The following CD36 variants were observed in gnomAD, a reference collection of about 807,000 sequenced individuals.
The protein encoded by CD36 is platelet glycoprotein 4.
In CD36, 119 loss-of-function variants were observed where a neutral mutation model predicts 55.2. The ratio of observed to expected loss-of-function variants is 2.15; its 90% CI spans 1.86 to 2.51. The LOEUF is 2.51. Ranked by LOEUF, CD36 falls within the 30% of genes most tolerant of loss-of-function variation. The pLI is 0.00. For missense variants in CD36, 819 were observed against 555.5 expected, an observed-to-expected ratio of 1.47 and a Z score of -4.77; for synonymous variants, 186 against 193.6, an observed-to-expected ratio of 0.96 and a Z score of 0.33.
intron 1 of CD36, chr7:80,625,042 T>G (rs747613757): frequency 2.0e-5 from 3 of 152,076 alleles, no homozygotes; most frequent in African/African-American, 7.2e-5. Context: ...TACTTTCAGG[T>G]TAGATAATTT....
At chr7:80,655,685 C>G (rs540256867) in intron 3 of CD36, among the ~76,000 whole-genome samples, 5 of 152,192 alleles carry the variant, frequency 3.3e-5, no homozygotes, top group Non-Finnish European at 7.4e-5. Flanking sequence ...TGTGCAGTGG[C>G]TCACACCTGT....
chr7:80,626,591 ATAATT>A (rs940146730), intron 1 of CD36, among the ~76,000 whole-genome samples: 116 of 152,226 alleles, frequency 7.6e-4, no homozygotes, highest in African/African-American at 2.6e-3. Flanking sequence ...TATGTATAGT[ATAATT>A]TAATAATTTT....
chr7:80,646,860 G>A lies in CD36; in HGVS notation c.120G>A (p.Lys40=). 1 of 1,613,692 alleles carries A rather than the reference G, an allele frequency of 6.2e-7. No individual in the cohort carries two copies. The highest frequency in any genetic ancestry group is 1.1e-5 in the South Asian group (1 of 91,052). The change falls in exon 3 of 15, where the codon AAG becomes AAA. Residue 40 remains lysine, a splice_region_variant and synonymous_variant. Coordinates refer to ENST00000447544, the MANE Select transcript of CD36 (RefSeq NM_001001548.3). The part of the protein sequence containing the change: ...GDLLIQKTIK[K]QVVLEEGTIA... Reference sequence around the variant, plus strand: ...TGCTTATCCAGAAGACAATTAAAAAGGTACAAGTAGTCCAAAGAATATGCC... The same window carrying A: ...TGCTTATCCAGAAGACAATTAAAAAAGTACAAGTAGTCCAAAGAATATGCC...
At chr7:80,660,939 C>A in intron 4 of CD36, 124 bp from the exon 5 acceptor site, 1 of 774,634 alleles carries the variant, frequency 1.3e-6, no homozygotes, top group Non-Finnish European at 2.2e-6. Flanking sequence ...AACACCATTG[C>A]TTACATACTA....
At chr7:80,607,119 A>G (rs2115716032) in intron 1 of CD36, among the ~76,000 whole-genome samples, 1 of 152,238 alleles carries the variant, frequency 6.6e-6, no homozygotes, top group African/African-American at 2.4e-5. Context: ...TCTCCACTCC[A>G]TTAATATTCC....
At chr7:80,664,582 A>G in intron 7 of CD36, 85 bp downstream of exon 7, 1 of 814,738 alleles carries the variant, frequency 1.2e-6, no homozygotes, top group Non-Finnish European at 2.2e-6. Context: ...CATAAGACAT[A>G]GGCATCAACC....
At chr7:80,603,332 A>G (rs2115659675) in intron 1 of CD36, among the ~76,000 whole-genome samples, 1 of 152,280 alleles carries the variant, frequency 6.6e-6, no homozygotes, top group South Asian at 2.1e-4. Context: ...TTTACAAAAA[A>G]GGTCACTTTC....
chr7:80,629,276 A>C (rs1411833560), intron 1 of CD36, among the ~76,000 whole-genome samples: 1 of 152,030 alleles, frequency 6.6e-6, no homozygotes, highest in Non-Finnish European at 1.5e-5. Context: ...GGCCTCCAGC[A>C]GCATGGCTGT....
upstream of CD36, among the ~76,000 whole-genome samples, chr7:80,634,056 A>G (rs1239397363): frequency 3.9e-5 from 6 of 152,086 alleles, no homozygotes; most frequent in Non-Finnish European, 5.9e-5. Flanking sequence ...GGATAAATGT[A>G]TCTTTTTTTT....
At chr7:80,662,582 T>A (rs1005760962) in intron 5 of CD36, 1 of 238,852 alleles carries the variant, frequency 4.2e-6, no homozygotes, top group Admixed American at 5.0e-5. Flanking sequence ...ACCAGACTTA[T>A]GGCTTTTTTT....
intron 1 of CD36, among the ~76,000 whole-genome samples, chr7:80,612,966 T>A (rs1248030148): frequency 6.6e-6 from 1 of 152,134 alleles, no homozygotes; most frequent in Non-Finnish European, 1.5e-5. Context: ...TAATATTCCA[T>A]ATATTTAGGT....
chr7:80,667,347 T>C (rs1797185927), intron 8 of CD36, among the ~76,000 whole-genome samples: 1 of 151,388 alleles, frequency 6.6e-6, no homozygotes, highest in Non-Finnish European at 1.5e-5. Context: ...GGAGGATCAC[T>C]TGATTCCAGG....
intron 9 of CD36, 135 bp from the exon 10 acceptor site, chr7:80,670,842 C>T: frequency 1.4e-6 from 1 of 704,346 alleles, no homozygotes; most frequent in Non-Finnish European, 2.5e-6. Flanking sequence ...TTCCCAATCA[C>T]TTTTTTTCTA....
rs376311045 is a variant in CD36 at position 80,671,999 on chromosome 7, C to A, written c.1084C>A (p.Pro362Thr). The change falls in exon 11 of 15, where the codon CCA (proline) becomes ACA (threonine). Residue 362 changes from proline (P) to threonine (T), a missense_variant. By Grantham distance (38) the Pro-to-Thr change is conservative (BLOSUM62 -1). Coordinates refer to ENST00000447544, the MANE Select transcript of CD36 (RefSeq NM_001001548.3). ...TTCAGAACCTATTGATGGATTAAACCCAAATGAAGAAGAACATAGGACATA... is the reference window on the plus strand; with the variant it reads ...TTCAGAACCTATTGATGGATTAAACACAAATGAAGAAGAACATAGGACATA... ...DVSEPIDGLNPNEEEHRTYLD... is the reference protein window; with the variant it reads ...DVSEPIDGLNTNEEEHRTYLD... 8 of 1,607,806 alleles carry A rather than the reference C, an allele frequency of 5.0e-6. No homozygotes were observed. The African/African-American group carries it at 6.7e-5, about 13-fold the overall frequency.
intron 1 of CD36, among the ~76,000 whole-genome samples, chr7:80,604,304 G>A (rs1006453693): frequency 6.4e-4 from 85 of 132,218 alleles, no homozygotes; most frequent in African/African-American, 2.2e-3. Flanking sequence ...AATAGTTTTA[G>A]TGTTCTGTTG....
At chr7:80,630,108 T>G (rs1793988270) in intron 1 of CD36, among the ~76,000 whole-genome samples, 1 of 152,056 alleles carries the variant, frequency 6.6e-6, no homozygotes, top group Non-Finnish European at 1.5e-5. Context: ...TATTTAATAC[T>G]TAGGGTGCTA....
At chr7:80,676,039 C>G (rs1243045813) in intron 14 of CD36, 1 of 152,062 alleles carries the variant, frequency 6.6e-6, no homozygotes, top group East Asian at 1.9e-4. Flanking sequence ...GAGAACTTCT[C>G]TCTGCAGCTA....
chr7:80,629,668 A>C (rs1435391349), intron 1 of CD36, among the ~76,000 whole-genome samples: 1 of 152,054 alleles, frequency 6.6e-6, no homozygotes, highest in Non-Finnish European at 1.5e-5. Context: ...TTTCCTCTGG[A>C]AAATACTTAA....
In CD36 at chr7:80,656,667, T is replaced by G; in HGVS notation, c.248T>G (p.Ile83Ser). The G allele has an allele frequency of 6.2e-7, 1 of 1,613,816 alleles. No individual in the cohort carries two copies. The highest frequency in any genetic ancestry group is 8.5e-7 in the Non-Finnish European group (1 of 1,179,806). The stretch of plus-strand genomic sequence containing the variant: ...GAAGTGATGATGAACAGCAGCAACA[T>G]TCAAGTTAAGCAAAGAGGTCCTTAT... ...PQEVMMNSSN[I>S]QVKQRGPYTY... is the part of the protein sequence containing the mutation. The change falls in exon 4 of 15, where the codon ATT becomes AGT. Residue 83 changes from isoleucine to serine, a missense_variant. Ile to Ser is a moderately radical substitution (Grantham distance 142). Coordinates refer to ENST00000447544, the MANE Select transcript of CD36 (RefSeq NM_001001548.3).
Sources: gnomAD v4.1 joint callset for allele counts (sites outside exome capture counted in the v4.1 genomes callset) on GRCh38, gnomAD v4.1.1 for gene constraint, MANE v1.5 for transcripts, NCBI Gene and HGNC (gene_info 2026-07-23, HGNC 2026-07-21) for gene names.